The following XYLB variants were observed in gnomAD, a reference collection of about 807,000 sequenced individuals.
XYLB encodes xylulokinase.
XYLB carries 62 observed loss-of-function variants against 78.7 expected under a neutral mutation model. That is an observed-to-expected ratio of 0.79 (90% confidence interval 0.64 to 0.97). The LOEUF is 0.97. XYLB is among the 50% of genes least tolerant of loss of function. XYLB has a pLI of 0.00. For missense variants in XYLB, 687 were observed against 676.8 expected (o/e 1.02, Z -0.17); for synonymous variants, 245 against 247.4 (o/e 0.99, Z 0.09).
chr3:38,430,037 G>A, the XYLB span, among the ~76,000 whole-genome samples: 20 of 152,178 alleles, frequency 1.3e-4, no homozygotes, highest in African/African-American at 4.8e-4. Context: ...TGTCTTTATA[G>A]TAGCATGATT....
At chr3:38,364,477 T>A (rs1319921129) in intron 4 of XYLB, among the ~76,000 whole-genome samples, 2 of 151,718 alleles carry the variant, frequency 1.3e-5, no homozygotes, top group African/African-American at 4.8e-5. Context: ...TGAGCATGGT[T>A]TCAGGCTCAG....
chr3:38,424,289 C>G (rs1355391359), downstream of XYLB, among the ~76,000 whole-genome samples: 1 of 152,138 alleles, frequency 6.6e-6, no homozygotes, highest in Non-Finnish European at 1.5e-5. Flanking sequence ...TTATTTGGAT[C>G]AAATTGCTAC....
exon 18 of XYLB, among the ~76,000 whole-genome samples, chr3:38,420,119 A>C (rs1708931106): frequency 6.6e-6 from 1 of 152,150 alleles, no homozygotes; most frequent in African/African-American, 2.4e-5. Context: ...ACGCCCAGCC[A>C]TAAGAATCAA....
intron 18 of XYLB, 146 bp from the exon 19 acceptor site, chr3:38,412,790 T>C: frequency 1.5e-6 from 1 of 677,036 alleles, no homozygotes. Context: ...TAGCATTTCC[T>C]CTTTTGTGAA....
intron 15 of XYLB, among the ~76,000 whole-genome samples, chr3:38,388,459 A>G (rs1707493199): frequency 1.3e-5 from 2 of 152,206 alleles, no homozygotes; most frequent in African/African-American, 2.4e-5. Flanking sequence ...CAATATATAC[A>G]TATTTCAAAA....
chr3:38,400,673 TG>T (rs1708084552), intron 17 of XYLB, among the ~76,000 whole-genome samples: 1 of 152,204 alleles, frequency 6.6e-6, no homozygotes, highest in South Asian at 2.1e-4. Context: ...TTTTTTGTTT[TG>T]TTTTGTAATT....
chr3:38,399,503 A>C (rs1708036253), intron 17 of XYLB, among the ~76,000 whole-genome samples: 1 of 152,200 alleles, frequency 6.6e-6, no homozygotes, highest in South Asian at 2.1e-4. Flanking sequence ...CATGTCCAAC[A>C]AGGCCTTTGT....
rs572279773 is a variant in XYLB, at chr3:38,410,664, C to T, written c.1534-2272C>T. On this transcript the variant is annotated intron_variant, in intron 18 of 18. Transcript: ENST00000207870. ...ACAAAGGGCTAATATCCAGAATCTA[C>T]AATGAACTCAAACAAATTTACAAGA... Among the ~76,000 whole-genome samples the T allele has an allele frequency of 5.4e-3, 817 of 152,226 alleles. 3 individuals are homozygous for T. Among genetic ancestry groups the T allele is most frequent in the African/African-American group, 0.019 (774 of 41,526 alleles).
chr3:38,353,285 G>GT (rs1283508745), intron 2 of XYLB, among the ~76,000 whole-genome samples: 1 of 152,078 alleles, frequency 6.6e-6, no homozygotes, highest in Non-Finnish European at 1.5e-5. Flanking sequence ...TTCAGTTGTT[G>GT]TAACACCAAC....
intron 9 of XYLB, chr3:38,370,375 A>G: frequency 1.9e-6 from 1 of 516,002 alleles, no homozygotes; most frequent in Non-Finnish European, 3.5e-6. Flanking sequence ...TGCACACAGT[A>G]GGTGCTCAGG....
chr3:38,406,852 A>G (rs1397179382), intron 18 of XYLB, among the ~76,000 whole-genome samples: 2 of 152,070 alleles, frequency 1.3e-5, no homozygotes, highest in African/African-American at 2.4e-5. Context: ...AAAAAGAAAC[A>G]AGCAAAGCCT....
chr3:38,383,885 C>G (rs1707263465), intron 15 of XYLB, among the ~76,000 whole-genome samples: 1 of 152,186 alleles, frequency 6.6e-6, no homozygotes, highest in Non-Finnish European at 1.5e-5. Context: ...CCTTTATGAG[C>G]TTATTTCCAT....
At chr3:38,441,731 C>A in the XYLB span, among the ~76,000 whole-genome samples, 1 of 152,154 alleles carries the variant, frequency 6.6e-6, no homozygotes, top group Non-Finnish European at 1.5e-5. Flanking sequence ...TTTTGATAGC[C>A]TCTGATACTA....
rs1183116004 is a variant in XYLB at position 38,346,943 on chromosome 3, C to T, written c.57+18C>T. The T allele has an allele frequency of 6.9e-7, 1 of 1,458,944 alleles. No homozygotes were observed. Among genetic ancestry groups the T allele is most frequent in the Non-Finnish European group, 9.1e-7 (1 of 1,101,496 alleles). The allele number at this position is 1,458,944 out of a possible 1,614,324, so 90.4% of individuals were successfully genotyped here. A position where few individuals can be genotyped will look rare whatever the true frequency, so the allele number is the denominator to read the frequency against. The stretch of plus-strand genomic sequence containing the variant: ...CGCAGCAGGTACAGTCGCCTGGCCG[C>T]AGGGCCACGGGGCCGCCTCCTCCGC... On this transcript the variant is annotated intron_variant, in intron 1 of 18. Transcript: ENST00000207870.
chr3:38,447,808 T>G, the XYLB span, among the ~76,000 whole-genome samples: 196 of 152,346 alleles, frequency 1.3e-3, no homozygotes, highest in African/African-American at 4.5e-3. Context: ...TCTTGTTTAT[T>G]ATTGCACTAT....
At chr3:38,400,085 T>A (rs750732516) in intron 17 of XYLB, among the ~76,000 whole-genome samples, 3 of 152,190 alleles carry the variant, frequency 2.0e-5, no homozygotes, top group Non-Finnish European at 4.4e-5. Flanking sequence ...GGTGTTTGTA[T>A]ATCTGACGCT....
Position 38,376,149 on chromosome 3 carries a change from T to C in XYLB, c.1037T>C (p.Ile346Thr). Reference sequence around the variant, plus strand: ...AATGGCTCCCTCATGAGAGAGAAGATCCGCAACGAGTCTGTATCCCGTTCC... The same window carrying C: ...AATGGCTCCCTCATGAGAGAGAAGACCCGCAACGAGTCTGTATCCCGTTCC... ...FKNGSLMREK[I>T]RNESVSRSWS... Residue 346 changes from isoleucine to threonine, a missense_variant, in exon 13 of 19, where the codon ATC (isoleucine) becomes ACC (threonine). Physicochemically the swap from Ile to Thr is moderately conservative, Grantham distance 89. Coordinates refer to ENST00000207870, the MANE Select transcript of XYLB (RefSeq NM_005108.4). 2 of 1,613,992 alleles carry C rather than the reference T, an allele frequency of 1.2e-6. No homozygotes were observed. Among genetic ancestry groups the C allele is most frequent in the Non-Finnish European group, 1.7e-6 (2 of 1,179,936 alleles).
rs1199440445 is a variant in XYLB at position 38,382,693 on chromosome 3, G to A, written c.1291+3351G>A. On this transcript the variant is annotated intron_variant, in intron 15 of 18. Transcript: ENST00000207870. ...GTGGAGTGCCTGGCAGGGGTCCTCCGGCTGTCAGAAGAGAACCCCAGGGAA... is the reference window on the plus strand; with the variant it reads ...GTGGAGTGCCTGGCAGGGGTCCTCCAGCTGTCAGAAGAGAACCCCAGGGAA... 4.6e-5 allele frequency among the ~76,000 whole-genome samples: 7 copies of A among 152,162 alleles called. No individual in the cohort carries two copies. The South Asian group carries it at 1.2e-3, about 27-fold the overall frequency.
At chr3:38,369,603 G>A (rs1706439895) in intron 8 of XYLB, among the ~76,000 whole-genome samples, 1 of 152,186 alleles carries the variant, frequency 6.6e-6, no homozygotes, top group South Asian at 2.1e-4. Flanking sequence ...GGAGAAGGAG[G>A]ATGTTTTAGG....
Sources: gnomAD v4.1 joint callset for allele counts (sites outside exome capture counted in the v4.1 genomes callset) on GRCh38, gnomAD v4.1.1 for gene constraint, MANE v1.5 for transcripts, NCBI Gene and HGNC (gene_info 2026-07-23, HGNC 2026-07-21) for gene names.